Variants in TECRL observed in about 807,000 individuals in gnomAD.
The protein encoded by TECRL is trans-2,3-enoyl-CoA reductase-like.
Under a neutral mutation model 52.8 loss-of-function variants are expected in TECRL, and 63 were observed. The observed-to-expected ratio is 1.19, with a 90% CI of 0.97 to 1.47. The LOEUF (loss-of-function observed/expected upper bound fraction) is 1.47, where lower values mean the gene tolerates loss of function less well. TECRL is among the 40% of genes most tolerant of loss of function. The probability of loss-of-function intolerance (pLI) is 0.00; values close to 1 mark genes in which losing one functional copy is unlikely to be tolerated. For missense variants in TECRL, 482 were observed against 429.6 expected (o/e 1.12, Z -1.08); for synonymous variants, 164 against 141.9 (o/e 1.16, Z -1.10).
intron 4 of TECRL, 91 bp downstream of exon 4, chr4:64,322,598 G>A (rs959263531): frequency 2.6e-5 from 22 of 841,256 alleles, no homozygotes; most frequent in African/African-American, 3.6e-5. Flanking sequence ...ATTTTGTTTC[G>A]CTATGAGTTT....
chr4:64,337,236 C>G (rs932594226), intron 2 of TECRL, among the ~76,000 whole-genome samples: 1 of 152,100 alleles, frequency 6.6e-6, no homozygotes, highest in African/African-American at 2.4e-5. Flanking sequence ...GCCCTTCATG[C>G]TAAAAACTCT....
At chr4:64,312,097 T>C (rs1717050927) in intron 5 of TECRL, among the ~76,000 whole-genome samples, 1 of 152,204 alleles carries the variant, frequency 6.6e-6, no homozygotes, top group Non-Finnish European at 1.5e-5. Context: ...TCTGAAGAAC[T>C]TTGTGGTGGT....
In TECRL at chr4:64,352,385, T is replaced by C. The variant is rs532385825; in HGVS notation, c.286+22787A>G. Among the ~76,000 whole-genome samples, 4 of 152,234 alleles carry C rather than the reference T, an allele frequency of 2.6e-5. No individual in the cohort carries two copies. The East Asian group carries it at 7.7e-4, about 29-fold the overall frequency. On this transcript the variant is annotated intron_variant, in intron 2 of 11. Coordinates refer to ENST00000381210, the MANE Select transcript of TECRL (RefSeq NM_001010874.5). Reference sequence around the variant, plus strand: ...CTGTCCTGAGAGAGGAATAGATAGATAGATAAGTGGATAGATAGATTAGAC... The same window carrying C: ...CTGTCCTGAGAGAGGAATAGATAGACAGATAAGTGGATAGATAGATTAGAC...
intron 9 of TECRL, among the ~76,000 whole-genome samples, chr4:64,285,558 T>G (rs1723038003): frequency 6.6e-6 from 1 of 152,092 alleles, no homozygotes; most frequent in East Asian, 1.9e-4. Flanking sequence ...GGAATAAAAA[T>G]TCAAGACTAG....
chr4:64,292,396 G>A lies in TECRL; in HGVS notation c.775-2629C>T, dbSNP rs116275933. 8.4e-3 allele frequency among the ~76,000 whole-genome samples: 1,283 copies of A among 152,012 alleles called. 15 individuals are homozygous for A. Among genetic ancestry groups the A allele is most frequent in the African/African-American group, 0.028 (1,176 of 41,520 alleles). ...ACATGAGATGCTACGTATTACCTATGTGTGTCCCTTATGTGACACAGATGT... is the reference window on the plus strand; with the variant it reads ...ACATGAGATGCTACGTATTACCTATATGTGTCCCTTATGTGACACAGATGT... On this transcript the variant is annotated intron_variant, in intron 8 of 11. Coordinates refer to ENST00000381210, the MANE Select transcript of TECRL (RefSeq NM_001010874.5).
intron 8 of TECRL, among the ~76,000 whole-genome samples, chr4:64,293,433 AT>A (rs1345084296): frequency 6.6e-6 from 1 of 152,012 alleles, no homozygotes; most frequent in African/African-American, 2.4e-5. Context: ...GTGCTCTACA[AT>A]TTTTTTAAAA....
At chr4:64,381,873 G>A (rs112443085) in intron 1 of TECRL, among the ~76,000 whole-genome samples, 1 of 152,000 alleles carries the variant, frequency 6.6e-6, no homozygotes, top group Non-Finnish European at 1.5e-5. Flanking sequence ...GTGTGTGTGT[G>A]CACGCAAGTG....
At chr4:64,382,235 A>ATATAT (rs1722858653) in intron 1 of TECRL, among the ~76,000 whole-genome samples, 1 of 2,414 alleles carries the variant, frequency 4.1e-4, no homozygotes, top group African/African-American at 4.9e-4. Context: ...ATATATATAT[A>ATATAT]GTATTATGTA....
intron 1 of TECRL, among the ~76,000 whole-genome samples, chr4:64,392,289 C>T (rs1388046899): frequency 2.6e-5 from 4 of 151,814 alleles, no homozygotes; most frequent in East Asian, 1.9e-4. Flanking sequence ...ACCATGTTCC[C>T]GTATGAGAAC....
At chr4:64,317,200 C>G (rs1238948386) in intron 4 of TECRL, among the ~76,000 whole-genome samples, 2 of 151,954 alleles carry the variant, frequency 1.3e-5, no homozygotes. Context: ...ATGGCGTGAA[C>G]CTGGGAGGCG....
intron 2 of TECRL, among the ~76,000 whole-genome samples, chr4:64,370,419 C>A (rs67178947): frequency 0.081 from 12,295 of 151,802 alleles, 691 homozygotes; most frequent in Middle Eastern, 0.16. Flanking sequence ...CTAATAATTT[C>A]TCAGAGACAT....
At chr4:64,407,300 A>G (rs1216018838) in intron 1 of TECRL, among the ~76,000 whole-genome samples, 1 of 152,134 alleles carries the variant, frequency 6.6e-6, no homozygotes, top group African/African-American at 2.4e-5. Flanking sequence ...TGAGACTCCC[A>G]TGCAAAATTG....
chr4:64,325,682 A>G (rs1718214683), intron 3 of TECRL, among the ~76,000 whole-genome samples: 1 of 152,122 alleles, frequency 6.6e-6, no homozygotes, highest in African/African-American at 2.4e-5. Context: ...AAAAGGACAA[A>G]AAATTCAGCT....
chr4:64,302,866 T>C, intron 7 of TECRL, among the ~76,000 whole-genome samples: 1 of 151,440 alleles, frequency 6.6e-6, no homozygotes, highest in East Asian at 1.9e-4. Context: ...TAATATATAC[T>C]ATTTCCTTTT....
chr4:64,348,952 G>A (rs920946187), intron 2 of TECRL, among the ~76,000 whole-genome samples: 3 of 151,022 alleles, frequency 2.0e-5, no homozygotes, highest in Non-Finnish European at 4.4e-5. Flanking sequence ...GATTCTTCAG[G>A]ATACAATGTC....
In TECRL at chr4:64,314,713, A is replaced by G. The variant is rs1200984998; in HGVS notation, c.486T>C (p.Tyr162=). 8 of 1,613,744 alleles carry G rather than the reference A, an allele frequency of 5.0e-6. No individual in the cohort carries two copies. The highest frequency in any genetic ancestry group is 6.8e-6 in the Non-Finnish European group (8 of 1,179,852). ...CATCATATATACATGGGATCCTCAAATAAAAGAGGAGGTATATTAGCAGAG... is the reference window on the plus strand; with the variant it reads ...CATCATATATACATGGGATCCTCAAGTAAAAGAGGAGGTATATTAGCAGAG... ...TGPLLIYLLF[Y]LRIPCIYDGK... is the part of the protein sequence containing the mutation. The change falls in exon 5 of 12, where the codon TAT becomes TAC. Residue 162 remains tyrosine, a synonymous_variant. Coordinates refer to ENST00000381210, the MANE Select transcript of TECRL (RefSeq NM_001010874.5).
At chr4:64,370,633 G>C (rs1370924297) in intron 2 of TECRL, among the ~76,000 whole-genome samples, 1 of 151,700 alleles carries the variant, frequency 6.6e-6, no homozygotes, top group East Asian at 1.9e-4. Context: ...TTTCATAAGG[G>C]TGTTATTTCT....
chr4:64,375,006 C>T (rs186225159), intron 2 of TECRL, among the ~76,000 whole-genome samples, 166 bp downstream of exon 2: 14 of 152,140 alleles, frequency 9.2e-5, no homozygotes, highest in East Asian at 3.9e-4. Flanking sequence ...GAGTTAAATG[C>T]TAGAATATTT....
intron 1 of TECRL, among the ~76,000 whole-genome samples, chr4:64,405,697 A>T (rs1227101322): frequency 6.6e-6 from 1 of 152,128 alleles, no homozygotes; most frequent in Non-Finnish European, 1.5e-5. Context: ...GAACTCAATA[A>T]AGTAAATTAT....
Sources: gnomAD v4.1 joint callset for allele counts (sites outside exome capture counted in the v4.1 genomes callset) on GRCh38, gnomAD v4.1.1 for gene constraint, MANE v1.5 for transcripts, NCBI Gene and HGNC (gene_info 2026-07-23, HGNC 2026-07-21) for gene names.